ROR2: variants seen among roughly 807,000 people sequenced by gnomAD.
The protein encoded by ROR2 is ROR family WNT receptor 2.
A neutral mutation model predicts 74.9 loss-of-function variants in ROR2; 33 were observed. That is an observed-to-expected ratio of 0.44 (90% CI 0.33 to 0.59). ROR2 has a LOEUF of 0.59. ROR2 is among the 20% of genes least tolerant of loss of function. The pLI, the probability that ROR2 is intolerant of heterozygous loss-of-function variation, is 0.02. For missense variants in ROR2, 1,216 were observed against 1,313.8 expected, an observed-to-expected ratio of 0.93 and a Z score of 1.15; for synonymous variants, 586 against 558.7, an observed-to-expected ratio of 1.05 and a Z score of -0.69.
intron 2 of ROR2, among the ~76,000 whole-genome samples, chr9:91,762,568 A>G (rs1825947974): frequency 6.6e-6 from 1 of 152,222 alleles, no homozygotes; most frequent in Non-Finnish European, 1.5e-5. Flanking sequence ...TTTGACATTA[A>G]TTTTCCCATA....
intron 1 of ROR2, among the ~76,000 whole-genome samples, chr9:91,911,933 C>CAAAAAAAAAAAAAAAAA (rs747087662): frequency 3.9e-5 from 3 of 76,392 alleles, no homozygotes; most frequent in African/African-American, 1.4e-4. Flanking sequence ...TGAGTCTAAG[C>CAAAAAAAAAAAAAAAAA]AAAAAAAAAA....
intron 1 of ROR2, among the ~76,000 whole-genome samples, chr9:91,816,197 C>T (rs191738315): frequency 6.6e-6 from 1 of 152,328 alleles, no homozygotes; most frequent in East Asian, 1.9e-4. Context: ...CCACCAGCAA[C>T]CTTGCTCGGG....
intron 1 of ROR2, among the ~76,000 whole-genome samples, chr9:91,842,117 GAA>G (rs1828798960): frequency 6.6e-6 from 1 of 152,138 alleles, no homozygotes. Context: ...GCAGAATAAA[GAA>G]GAGAGAGAAA....
chr9:91,923,798 C>A (rs564437917), intron 1 of ROR2: 2 of 152,174 alleles, frequency 1.3e-5, no homozygotes, highest in South Asian at 4.1e-4. Flanking sequence ...CATGGCTATC[C>A]GATGAGTCAG....
At chr9:91,829,929 C>G (rs191075157) in intron 1 of ROR2, among the ~76,000 whole-genome samples, 1 of 152,336 alleles carries the variant, frequency 6.6e-6, no homozygotes, top group Non-Finnish European at 1.5e-5. Flanking sequence ...AAAATCTACT[C>G]ATTGCCGTTC....
chr9:91,874,067 G>T (rs945051141), intron 1 of ROR2, among the ~76,000 whole-genome samples: 3 of 152,146 alleles, frequency 2.0e-5, no homozygotes, highest in Non-Finnish European at 4.4e-5. Context: ...AGAAAATCAA[G>T]TCAGGGCATG....
At chr9:91,809,674 G>A (rs1418814805) in intron 1 of ROR2, among the ~76,000 whole-genome samples, 1 of 152,250 alleles carries the variant, frequency 6.6e-6, no homozygotes, top group Non-Finnish European at 1.5e-5. Flanking sequence ...CAGACATGCA[G>A]CAACATCTTG....
At chr9:91,926,138 T>C (rs1191224926) in intron 1 of ROR2, among the ~76,000 whole-genome samples, 3 of 150,522 alleles carry the variant, frequency 2.0e-5, no homozygotes, top group African/African-American at 7.3e-5. Context: ...TCCCAGCACT[T>C]TGGGAGGCCG....
At chr9:91,752,296 A>G (rs1825616856) in intron 4 of ROR2, among the ~76,000 whole-genome samples, 1 of 152,252 alleles carries the variant, frequency 6.6e-6, no homozygotes, top group African/African-American at 2.4e-5. Flanking sequence ...CTATACAAGG[A>G]ACTTTATTCA....
At chr9:91,948,430 G>A (rs1271753661) in intron 1 of ROR2, among the ~76,000 whole-genome samples, 1 of 152,216 alleles carries the variant, frequency 6.6e-6, no homozygotes, top group Non-Finnish European at 1.5e-5. Flanking sequence ...TACCAACTTA[G>A]AATGTGGTCT....
chr9:91,728,475 G>A (rs1837119781), intron 7 of ROR2, among the ~76,000 whole-genome samples: 1 of 152,184 alleles, frequency 6.6e-6, no homozygotes, highest in Admixed American at 6.5e-5. Flanking sequence ...CTATCTCCTA[G>A]GCTGGAGGGC....
At chr9:91,836,739 G>A (rs1828622563) in intron 1 of ROR2, among the ~76,000 whole-genome samples, 1 of 152,198 alleles carries the variant, frequency 6.6e-6, no homozygotes, top group Non-Finnish European at 1.5e-5. Context: ...CCTGCATTGG[G>A]GCGAGTTCTG....
At chr9:91,836,470 G>A (rs887316788) in intron 1 of ROR2, among the ~76,000 whole-genome samples, 11 of 151,028 alleles carry the variant, frequency 7.3e-5, no homozygotes, top group African/African-American at 9.8e-5. Context: ...AACCCAGGAG[G>A]CAGAGACTGC....
At chr9:91,948,938 C>G (rs1000768794) in intron 1 of ROR2, 1 of 984,940 alleles carries the variant, frequency 1.0e-6, no homozygotes, top group South Asian at 4.7e-5. Context: ...ACGCCGCCTC[C>G]TCCAGGCAAC....
At chr9:91,898,399 C>T (rs753557524) in intron 1 of ROR2, among the ~76,000 whole-genome samples, 1 of 152,114 alleles carries the variant, frequency 6.6e-6, no homozygotes, top group Admixed American at 6.5e-5. Flanking sequence ...GTGGTGTCCC[C>T]GTTTCAGAGA....
At chr9:91,948,529 A>G in intron 1 of ROR2, 2 of 969,138 alleles carry the variant, frequency 2.1e-6, no homozygotes, top group Non-Finnish European at 2.5e-6. Context: ...GTAATTAGGA[A>G]TGTCTGACGT....
At chr9:91,844,884 C>A (rs1828879612) in intron 1 of ROR2, among the ~76,000 whole-genome samples, 1 of 152,080 alleles carries the variant, frequency 6.6e-6, no homozygotes, top group African/African-American at 2.4e-5. Context: ...GAAGGCGGGG[C>A]GGGGGGAAGG....
rs1027836397 is a variant in ROR2 at position 91,819,524 on chromosome 9, T to C, written c.98-43706A>G. 8.6e-5 allele frequency among the ~76,000 whole-genome samples: 13 copies of C among 151,636 alleles called. No individual in the cohort carries two copies. The South Asian group carries it at 1.2e-3, about 15-fold the overall frequency. ...TGTCTTGGCGTGTGTTCTGTGTCTG[T>C]CTTTGTGTGTCTGTCTTTGAGTGTG... On this transcript the variant is annotated intron_variant, in intron 1 of 8. Transcript: ENST00000375708.
chr9:91,822,325 T>C (rs1329507503), intron 1 of ROR2, among the ~76,000 whole-genome samples: 1 of 152,186 alleles, frequency 6.6e-6, no homozygotes, highest in African/African-American at 2.4e-5. Context: ...AAACAGTTCA[T>C]CTTCACTCTG....
Sources: gnomAD v4.1 joint callset for allele counts (sites outside exome capture counted in the v4.1 genomes callset) on GRCh38, gnomAD v4.1.1 for gene constraint, MANE v1.5 for transcripts, NCBI Gene and HGNC (gene_info 2026-07-23, HGNC 2026-07-21) for gene names.